The following KATNIP variants were observed in gnomAD, a reference collection of about 807,000 sequenced individuals.
The protein encoded by KATNIP is katanin interacting protein, also known as katanin-interacting protein.
Under a neutral mutation model 174.0 loss-of-function variants are expected in KATNIP, and 126 were observed. The observed-to-expected ratio is 0.72, with a 90% confidence interval of 0.63 to 0.84. The LOEUF (loss-of-function observed/expected upper bound fraction) is 0.84, where lower values mean the gene tolerates loss of function less well. KATNIP is among the 40% of genes least tolerant of loss of function. The pLI is 0.00. For missense variants in KATNIP, 1,958 were observed against 2,109.7 expected (o/e 0.93, Z 1.41); for synonymous variants, 810 against 835.7 (o/e 0.97, Z 0.53).
At chr16:27,720,201 C>T (rs925873852) in intron 13 of KATNIP, among the ~76,000 whole-genome samples, 2 of 152,184 alleles carry the variant, frequency 1.3e-5, no homozygotes, top group Non-Finnish European at 1.5e-5. Flanking sequence ...AGCTATTCTC[C>T]TGCCTCCGCC....
intron 6 of KATNIP, among the ~76,000 whole-genome samples, chr16:27,668,083 G>T (rs369404623): frequency 2.9e-4 from 44 of 152,314 alleles, no homozygotes; most frequent in African/African-American, 5.5e-4. Flanking sequence ...TTACGGGCAG[G>T]TTTATCAATT....
At chr16:27,734,376 T>C (rs1387781525) in intron 14 of KATNIP, among the ~76,000 whole-genome samples, 2 of 139,650 alleles carry the variant, frequency 1.4e-5, no homozygotes, top group East Asian at 2.3e-4. Flanking sequence ...CCACTGCGCC[T>C]GGCCCATAGG....
chr16:27,677,689 A>G, intron 6 of KATNIP, 40 bp from the exon 7 acceptor site: 3 of 1,565,598 alleles, frequency 1.9e-6, no homozygotes, highest in Non-Finnish European at 2.6e-6. Flanking sequence ...TTCTCAAGGT[A>G]CCATATTTAT....
intron 14 of KATNIP, among the ~76,000 whole-genome samples, chr16:27,734,775 G>A (rs1048227176): frequency 6.6e-6 from 1 of 152,206 alleles, no homozygotes; most frequent in African/African-American, 2.4e-5. Context: ...GGCTAGGCTA[G>A]CATGGGCCAG....
Position 27,558,523 on chromosome 16 carries a change from T to A in KATNIP, c.7+8346T>A, listed in dbSNP as rs186788795. Among the ~76,000 whole-genome samples the A allele has an allele frequency of 6.6e-4, 101 of 152,344 alleles. 1 individual carries two copies. Among genetic ancestry groups the A allele is most frequent in the Admixed American group, 2.5e-3 (38 of 15,300 alleles). On this transcript the variant is annotated intron_variant, in intron 1 of 27. Transcript: ENST00000261588. ...TCATAGTATGGTGAGAAAGCAGACA[T>A]AAACAGATGACTACATTTCAACATG...
At chr16:27,571,967 C>T (rs2090315852) in intron 1 of KATNIP, among the ~76,000 whole-genome samples, 1 of 152,182 alleles carries the variant, frequency 6.6e-6, no homozygotes, top group Non-Finnish European at 1.5e-5. Context: ...AATCAAATCT[C>T]TTGATCCCTA....
At chr16:27,750,362 T>C (rs1199351206) in intron 16 of KATNIP, 56 bp downstream of exon 16, 11 of 1,537,186 alleles carry the variant, frequency 7.2e-6, no homozygotes, top group Non-Finnish European at 7.9e-6. Context: ...TTGCTGAGAG[T>C]CTATGGGAAA....
intron 12 of KATNIP, 114 bp from the exon 13 acceptor site, chr16:27,708,591 G>C: frequency 1.4e-6 from 1 of 696,814 alleles, no homozygotes; most frequent in South Asian, 1.8e-5. Flanking sequence ...TACAGATGGA[G>C]AGACTGAGAC....
At chr16:27,741,319 TC>T (rs777648002) in intron 15 of KATNIP, among the ~76,000 whole-genome samples, 3 of 152,126 alleles carry the variant, frequency 2.0e-5, no homozygotes, top group Non-Finnish European at 2.9e-5. Context: ...AGGCCTGTAA[TC>T]CCAGCACTTT....
At chr16:27,644,019 C>CTTTTT (rs34902124) in intron 5 of KATNIP, among the ~76,000 whole-genome samples, 1 of 102,502 alleles carries the variant, frequency 9.8e-6, no homozygotes, top group African/African-American at 3.7e-5. Flanking sequence ...GAGACATAAT[C>CTTTTT]TTTTTTTTTT....
intron 2 of KATNIP, among the ~76,000 whole-genome samples, chr16:27,585,744 G>A (rs1431291577): frequency 6.6e-6 from 1 of 152,144 alleles, no homozygotes; most frequent in Non-Finnish European, 1.5e-5. Context: ...GAGAATAGAC[G>A]GATGGGTCCC....
chr16:27,678,111 C>A, intron 7 of KATNIP, 115 bp downstream of exon 7: 1 of 1,188,602 alleles, frequency 8.4e-7, no homozygotes, highest in Non-Finnish European at 1.2e-6. Context: ...TCTCACAGGC[C>A]AGGGAGGTAT....
At chr16:27,723,144 A>G (rs989398510) in intron 14 of KATNIP, among the ~76,000 whole-genome samples, 1 of 152,126 alleles carries the variant, frequency 6.6e-6, no homozygotes, top group Non-Finnish European at 1.5e-5. Context: ...ACAGCCTCCT[A>G]ATCGCTCCCT....
chr16:27,713,287 T>C (rs1017028989), intron 13 of KATNIP, among the ~76,000 whole-genome samples: 2 of 152,176 alleles, frequency 1.3e-5, no homozygotes, highest in African/African-American at 4.8e-5. Flanking sequence ...TCTAGAATTA[T>C]TTCCAAATAA....
intron 3 of KATNIP, among the ~76,000 whole-genome samples, chr16:27,620,135 A>C (rs1482552217): frequency 6.6e-6 from 1 of 152,252 alleles, no homozygotes; most frequent in Non-Finnish European, 1.5e-5. Context: ...TTCCAGAGAC[A>C]AGGTTATAGC....
At chr16:27,738,746 C>A (rs1301964634) in intron 14 of KATNIP, among the ~76,000 whole-genome samples, 1 of 152,308 alleles carries the variant, frequency 6.6e-6, no homozygotes, top group African/African-American at 2.4e-5. Flanking sequence ...TGCCTTGAGG[C>A]AGTGGTCCTC....
intron 3 of KATNIP, among the ~76,000 whole-genome samples, chr16:27,626,061 G>T (rs1468272269): frequency 1.3e-5 from 2 of 151,850 alleles, no homozygotes; most frequent in African/African-American, 4.8e-5. Flanking sequence ...TGTTGCCCAG[G>T]CTAATCTCAG....
chr16:27,754,068 G>A (rs2081618969), intron 17 of KATNIP, 105 bp from the exon 18 acceptor site: 6 of 892,542 alleles, frequency 6.7e-6, no homozygotes, highest in Non-Finnish European at 1.1e-5. Flanking sequence ...GGACTTACCT[G>A]GGCATAGGGT....
At chr16:27,673,713 TG>T (rs2078006287) in intron 6 of KATNIP, among the ~76,000 whole-genome samples, 1 of 152,186 alleles carries the variant, frequency 6.6e-6, no homozygotes, top group African/African-American at 2.4e-5. Context: ...CCCCTGGAGT[TG>T]GGTGGGGGGA....
Sources: gnomAD v4.1 joint callset for allele counts (sites outside exome capture counted in the v4.1 genomes callset) on GRCh38, gnomAD v4.1.1 for gene constraint, MANE v1.5 for transcripts, NCBI Gene and HGNC (gene_info 2026-07-23, HGNC 2026-07-21) for gene names.